Variants in RICTOR observed in about 807,000 individuals in gnomAD.
RICTOR encodes the protein rapamycin-insensitive companion of mTOR.
Under a neutral mutation model 214.9 loss-of-function variants are expected in RICTOR, and 49 were observed. The observed-to-expected ratio is 0.23, with a 90% CI of 0.18 to 0.29. The LOEUF (loss-of-function observed/expected upper bound fraction) is 0.29, where lower values mean the gene tolerates loss of function less well. RICTOR is among the 10% of genes least tolerant of loss of function. RICTOR has a pLI of 1.00. For synonymous variants in RICTOR, 717 were observed against 711.3 expected, an observed-to-expected ratio of 1.01 and a Z score of -0.13; for missense variants, 1,625 against 2,047.0, an observed-to-expected ratio of 0.79 and a Z score of 3.98.
chr5:39,027,176 T>C (rs1755893564), intron 2 of RICTOR, among the ~76,000 whole-genome samples: 1 of 152,170 alleles, frequency 6.6e-6, no homozygotes, highest in South Asian at 2.1e-4. Context: ...ACTTTAAGTA[T>C]AGCTGAAAAG....
Position 38,959,973 on chromosome 5 carries a change from C to A in RICTOR, c.1857G>T (p.Gly619=). 6.2e-7 allele frequency: 1 copy of A among 1,600,396 alleles called. No individual in the cohort carries two copies. The highest frequency in any genetic ancestry group is 8.6e-7 in the Non-Finnish European group (1 of 1,168,128). ...TEFLLESEED[G]QGYLEDLVKD... ...TTACTAGATCTTCTAAGTAGCCTTG[C>A]CCATCCTAAAAGTAAATACATTGTG... The change falls in exon 21 of 38, where the codon GGG becomes GGT. Residue 619 remains glycine (G), a synonymous_variant. Transcript: ENST00000357387.
intron 8 of RICTOR, among the ~76,000 whole-genome samples, chr5:38,978,933 T>C (rs114889327): frequency 0.013 from 2,029 of 152,312 alleles, 49 homozygotes; most frequent in African/African-American, 0.045. Context: ...ATTATAGGCA[T>C]CCTCAAAGCT....
chr5:38,949,459 C>CTTG, intron 31 of RICTOR: 1 of 1,537,792 alleles, frequency 6.5e-7, no homozygotes, highest in South Asian at 1.2e-5. Context: ...TAAAAAAAAG[C>CTTG]TTGTGACTTG....
At chr5:39,020,453 C>A (rs770447077) in intron 3 of RICTOR, among the ~76,000 whole-genome samples, 31 of 152,128 alleles carry the variant, frequency 2.0e-4, no homozygotes, top group Non-Finnish European at 3.7e-4. Context: ...AGGCAAGTTC[C>A]TCTACCAACA....
chr5:38,959,026 C>T (rs1156473800), intron 22 of RICTOR, among the ~76,000 whole-genome samples, 169 bp downstream of exon 22: 1 of 151,772 alleles, frequency 6.6e-6, no homozygotes, highest in Non-Finnish European at 1.5e-5. Context: ...CTTCTTCCCC[C>T]GATACAAAAA....
At chr5:39,050,017 A>G (rs1180752686) in intron 2 of RICTOR, among the ~76,000 whole-genome samples, 1 of 152,272 alleles carries the variant, frequency 6.6e-6, no homozygotes, top group African/African-American at 2.4e-5. Flanking sequence ...GACTTGAAAT[A>G]CTTAGAATCA....
intron 11 of RICTOR, chr5:38,970,556 T>C (rs988827567): frequency 6.6e-6 from 1 of 152,226 alleles, no homozygotes; most frequent in Non-Finnish European, 1.5e-5. Flanking sequence ...ATTATCTAAA[T>C]ACTTTTTATT....
Position 39,004,067 on chromosome 5 carries a change from C to A in RICTOR, c.196-445G>T, listed in dbSNP as rs894736701. ...TTTTTTCTATCTTTTAAAAACTATA[C>A]CGTATTACTGTTAATGGGTTTTAAC... On this transcript the variant is annotated intron_variant, in intron 3 of 37. Transcript: ENST00000357387. 2.0e-5 allele frequency among the ~76,000 whole-genome samples: 3 copies of A among 152,102 alleles called. 1 individual carries two copies. Among genetic ancestry groups the A allele is most frequent in the South Asian group, 2.1e-4 (1 of 4,830 alleles).
intron 3 of RICTOR, among the ~76,000 whole-genome samples, chr5:39,005,382 T>C (rs995362122): frequency 1.2e-4 from 18 of 152,114 alleles, no homozygotes; most frequent in African/African-American, 3.9e-4. Flanking sequence ...AATGCTTCAG[T>C]TGAATATTTT....
intron 10 of RICTOR, among the ~76,000 whole-genome samples, chr5:38,973,481 G>A (rs1157919453): frequency 6.6e-6 from 1 of 152,130 alleles, no homozygotes; most frequent in East Asian, 1.9e-4. Flanking sequence ...AAGTATATGG[G>A]TGTTCACTGT....
Position 38,971,891 on chromosome 5 carries a change from T to C in RICTOR, c.958A>G (p.Asn320Asp), listed in dbSNP as rs758528256. ...QSLIGVLCIP[N>D]MEIRRGLLEV... ...CTTTTACCTACCCTTATTTCCATAT[T>C]TGGTATGCAAAGTACTCCTATTAGA... is the stretch of plus-strand genomic sequence containing the variant. Residue 320 changes from asparagine to aspartate, a missense_variant, in exon 11 of 38, where the codon AAT becomes GAT. Transcript: ENST00000357387. The C allele has an allele frequency of 7.1e-7, 1 of 1,402,648 alleles. No homozygotes were observed. 86.9% of individuals were successfully genotyped at this position (1,402,648 alleles called of 1,614,324 possible).
intron 7 of RICTOR, 113 bp downstream of exon 7, chr5:38,990,836 A>ATATATGT (rs1752710241): frequency 8.0e-6 from 2 of 250,088 alleles, no homozygotes; most frequent in Admixed American, 2.1e-4. Context: ...GATATATGAG[A>ATATATGT]TATATGAGAT....
chr5:39,003,770 T>C (rs1239395925), intron 3 of RICTOR, 148 bp from the exon 4 acceptor site: 2 of 477,906 alleles, frequency 4.2e-6, no homozygotes, highest in African/African-American at 2.0e-5. Flanking sequence ...AGCAGCTTTA[T>C]TTGTATCATC....
At chr5:39,045,083 C>A (rs2150176565) in intron 2 of RICTOR, among the ~76,000 whole-genome samples, 1 of 152,246 alleles carries the variant, frequency 6.6e-6, no homozygotes, top group African/African-American at 2.4e-5. Flanking sequence ...TTTCCCTTTT[C>A]CACAGTAAAA....
chr5:39,072,488 C>T (rs1561091985), intron 2 of RICTOR, among the ~76,000 whole-genome samples: 1 of 152,140 alleles, frequency 6.6e-6, no homozygotes, highest in Non-Finnish European at 1.5e-5. Flanking sequence ...GTTTTTAATG[C>T]ACAAGTTAAA....
In RICTOR at chr5:38,949,762, A is replaced by G. The variant is rs1232945288; in HGVS notation, c.4086T>C (p.Asp1362=). 1.2e-6 allele frequency: 2 copies of G among 1,613,382 alleles called. No individual in the cohort carries two copies. The highest frequency in any genetic ancestry group is 2.2e-5 in the South Asian group (2 of 91,062). ...AACTGTTGGCCTTCATGGTGATGGT[A>G]TCAGTAAATAGCACATCTTTTGCTG... ...ASPAKDVLFT[D]TITMKANSFE... The change falls in exon 31 of 38, where the codon GAT becomes GAC. Residue 1362 remains aspartate (D), a synonymous_variant. Transcript: ENST00000357387.
At chr5:38,961,675 CTTTA>C (rs1749808272) in intron 19 of RICTOR, among the ~76,000 whole-genome samples, 4 of 151,996 alleles carry the variant, frequency 2.6e-5, no homozygotes, top group Admixed American at 2.6e-4. Context: ...TATAAGTTAT[CTTTA>C]TTTCTTAAAA....
At chr5:39,036,769 A>T (rs889068967) in intron 2 of RICTOR, among the ~76,000 whole-genome samples, 3 of 152,244 alleles carry the variant, frequency 2.0e-5, no homozygotes, top group African/African-American at 7.2e-5. Context: ...AGAGCTAAGT[A>T]TCCTAAATAT....
chr5:39,038,398 C>CA (rs1197080685), intron 2 of RICTOR, among the ~76,000 whole-genome samples: 1 of 152,078 alleles, frequency 6.6e-6, no homozygotes, highest in Non-Finnish European at 1.5e-5. Flanking sequence ...CATTCCCTTT[C>CA]AAAAATGGCA....
Sources: allele counts gnomAD v4.1 joint callset (sites outside exome capture counted in the v4.1 genomes callset), GRCh38; gene constraint gnomAD v4.1.1; transcripts MANE v1.5; gene names NCBI Gene and HGNC (gene_info 2026-07-23, HGNC 2026-07-21).